DCLK2: variants seen among roughly 807,000 people sequenced by gnomAD.
The protein encoded by DCLK2 is serine/threonine-protein kinase DCLK2.
Under a neutral mutation model 78.4 loss-of-function variants are expected in DCLK2, and 31 were observed. The observed-to-expected ratio is 0.40, with a 90% CI of 0.30 to 0.53. The LOEUF (loss-of-function observed/expected upper bound fraction) is 0.53. DCLK2 is among the 20% of genes least tolerant of loss of function. DCLK2 has a pLI of 0.61. For synonymous variants in DCLK2, 407 were observed against 374.9 expected (o/e 1.09, Z -0.99); for missense variants, 872 against 973.7 (o/e 0.90, Z 1.39).
chr4:150,102,947 GTGTGTA>G lies in DCLK2; in HGVS notation c.756+141_756+146del, dbSNP rs1482554285. The G allele has an allele frequency of 7.0e-5, 55 of 787,548 alleles. No homozygotes were observed. In the South Asian group the frequency reaches 1.0e-3, roughly 14 times the overall value. 48.8% of individuals were successfully genotyped at this position (787,548 alleles called of 1,614,324 possible). On this transcript the variant is annotated intron_variant, in intron 2 of 15. Transcript: ENST00000296550. ...GAGTCATACTTGAGATTGTGTGTGT[GTGTGTA>G]TGTGTGTGTGTGTGTATGTATGTAA...
At chr4:150,204,017 G>A (rs970436095) in intron 5 of DCLK2, 128 bp downstream of exon 5, 4 of 839,896 alleles carry the variant, frequency 4.8e-6, no homozygotes, top group Non-Finnish European at 7.2e-6. Flanking sequence ...TTTGAGCCTG[G>A]TAGACTTGAC....
chr4:150,123,862 G>A (rs1257428684), intron 2 of DCLK2, among the ~76,000 whole-genome samples: 1 of 151,994 alleles, frequency 6.6e-6, no homozygotes, highest in Non-Finnish European at 1.5e-5. Context: ...GGCAATTAGT[G>A]AGACCTCATC....
intron 2 of DCLK2, among the ~76,000 whole-genome samples, chr4:150,173,836 C>G (rs941552363): frequency 6.6e-6 from 1 of 152,058 alleles, no homozygotes; most frequent in Non-Finnish European, 1.5e-5. Context: ...ACAAAAGGAG[C>G]AGAAGGGGCT....
chr4:150,169,883 G>A (rs1736384242), intron 2 of DCLK2, among the ~76,000 whole-genome samples: 1 of 152,124 alleles, frequency 6.6e-6, no homozygotes, highest in Non-Finnish European at 1.5e-5. Flanking sequence ...GTTAAGTTAG[G>A]TTATAATTCC....
At position 150,078,886 on chromosome 4, in the gene DCLK2, C is replaced by G; in HGVS notation, c.-142C>G. 2 of 1,141,698 alleles carry G rather than the reference C, an allele frequency of 1.8e-6. No individual in the cohort carries two copies. Among genetic ancestry groups the G allele is most frequent in the Non-Finnish European group, 2.3e-6 (2 of 858,866 alleles). The allele number at this position is 1,141,698 out of a possible 1,614,324, so 70.7% of individuals were successfully genotyped here. On this transcript the variant is annotated 5_prime_UTR_variant, in exon 1 of 16. Transcript: ENST00000296550. Reference sequence around the variant, plus strand: ...TCGGCTCCTCCGCGGCTCCTCGGCCCCACCTGCGCGGAGAGGGCGGGATGC... The same window carrying G: ...TCGGCTCCTCCGCGGCTCCTCGGCCGCACCTGCGCGGAGAGGGCGGGATGC...
intron 5 of DCLK2, among the ~76,000 whole-genome samples, chr4:150,218,535 T>C (rs979556981): frequency 1.3e-5 from 2 of 152,166 alleles, no homozygotes; most frequent in African/African-American, 4.8e-5. Flanking sequence ...CATTACCTGC[T>C]TCCAGGACAG....
At chr4:150,251,881 C>T (rs13123241) in intron 15 of DCLK2, among the ~76,000 whole-genome samples, 2 of 151,268 alleles carry the variant, frequency 1.3e-5, no homozygotes, top group African/African-American at 4.9e-5. Context: ...TGTGGCCACC[C>T]TCTGTGTGTC....
intron 2 of DCLK2, among the ~76,000 whole-genome samples, chr4:150,129,282 G>A (rs1027772143): frequency 6.6e-6 from 1 of 151,916 alleles, no homozygotes; most frequent in Non-Finnish European, 1.5e-5. Context: ...AAAATAAATG[G>A]TCCAGTATTC....
intron 2 of DCLK2, among the ~76,000 whole-genome samples, chr4:150,165,109 C>G (rs1315488846): frequency 6.6e-6 from 1 of 152,184 alleles, no homozygotes; most frequent in East Asian, 1.9e-4. Flanking sequence ...CATGAACATT[C>G]CATATGCCTG....
chr4:150,093,100 A>G (rs549718585), intron 1 of DCLK2, among the ~76,000 whole-genome samples: 1 of 152,250 alleles, frequency 6.6e-6, no homozygotes, highest in Non-Finnish European at 1.5e-5. Context: ...ATACAAAATC[A>G]TCATACACAA....
At chr4:150,174,246 C>G (rs947874412) in intron 2 of DCLK2, among the ~76,000 whole-genome samples, 2 of 152,162 alleles carry the variant, frequency 1.3e-5, no homozygotes, top group Non-Finnish European at 2.9e-5. Flanking sequence ...AGTAGCCATG[C>G]GGCATCCTGT....
chr4:150,222,956 G>C (rs1364719375), intron 7 of DCLK2, among the ~76,000 whole-genome samples: 1 of 151,590 alleles, frequency 6.6e-6, no homozygotes, highest in Non-Finnish European at 1.5e-5. Context: ...TCAGAGTCTT[G>C]GTTCAGATTA....
intron 2 of DCLK2, among the ~76,000 whole-genome samples, chr4:150,177,115 C>T (rs765506181): frequency 6.6e-5 from 10 of 152,146 alleles, no homozygotes; most frequent in African/African-American, 2.2e-4. Context: ...TAAACCCTGT[C>T]TTGTGTTATA....
chr4:150,081,729 C>T (rs766965258), intron 1 of DCLK2, among the ~76,000 whole-genome samples: 1 of 151,304 alleles, frequency 6.6e-6, no homozygotes, highest in Admixed American at 6.6e-5. Flanking sequence ...CAATAGTTCA[C>T]GTCTGTAATC....
At chr4:150,097,934 C>T (rs1354857996) in intron 1 of DCLK2, among the ~76,000 whole-genome samples, 1 of 152,104 alleles carries the variant, frequency 6.6e-6, no homozygotes, top group Non-Finnish European at 1.5e-5. Flanking sequence ...TCTAAATTCC[C>T]TTTAGCCAAA....
At chr4:150,172,369 C>G (rs1472239475) in intron 2 of DCLK2, among the ~76,000 whole-genome samples, 1 of 151,722 alleles carries the variant, frequency 6.6e-6, no homozygotes. Flanking sequence ...TTTGGGAGGC[C>G]GAGGCGGGTG....
At chr4:150,201,960 T>C (rs1272921400) in intron 4 of DCLK2, among the ~76,000 whole-genome samples, 2 of 152,212 alleles carry the variant, frequency 1.3e-5, no homozygotes, top group Non-Finnish European at 2.9e-5. Flanking sequence ...CAGCCAAAGG[T>C]ACACATTTTC....
intron 2 of DCLK2, among the ~76,000 whole-genome samples, chr4:150,146,251 G>A (rs1235354959): frequency 6.6e-6 from 1 of 152,156 alleles, no homozygotes; most frequent in African/African-American, 2.4e-5. Context: ...TCAAGGTCTG[G>A]TCCATGGGCC....
intron 1 of DCLK2, among the ~76,000 whole-genome samples, chr4:150,101,743 A>T (rs1329051389): frequency 1.3e-5 from 2 of 152,222 alleles, no homozygotes; most frequent in Admixed American, 6.5e-5. Flanking sequence ...CTTAATAAAA[A>T]TTAAGCAGAA....
Sources: allele counts gnomAD v4.1 joint callset (sites outside exome capture counted in the v4.1 genomes callset), GRCh38; gene constraint gnomAD v4.1.1; transcripts MANE v1.5; gene names NCBI Gene and HGNC (gene_info 2026-07-23, HGNC 2026-07-21).